The following SPEN variants were observed in gnomAD, a reference collection of about 807,000 sequenced individuals.
SPEN encodes the protein msx2-interacting protein.
SPEN carries 18 observed loss-of-function variants against 269.9 expected under a neutral mutation model. The ratio of observed to expected loss-of-function variants is 0.07; its 90% CI spans 0.05 to 0.10. SPEN has a LOEUF of 0.10. SPEN is among the 10% of genes least tolerant of loss of function. SPEN has a pLI of 1.00. For synonymous variants in SPEN, 1,726 were observed against 1,765.7 expected, an observed-to-expected ratio of 0.98 and a Z score of 0.56; for missense variants, 3,822 against 4,631.2, an observed-to-expected ratio of 0.83 and a Z score of 5.07.
At chr1:15,863,606 C>T (rs1468101286) in intron 1 of SPEN, among the ~76,000 whole-genome samples, 5 of 151,974 alleles carry the variant, frequency 3.3e-5, no homozygotes, top group African/African-American at 4.8e-5. Flanking sequence ...TTTGGGAGAC[C>T]GAGACTAGAG....
intron 3 of SPEN, among the ~76,000 whole-genome samples, chr1:15,882,949 A>G (rs868354679): frequency 6.6e-6 from 1 of 152,106 alleles, no homozygotes; most frequent in African/African-American, 2.4e-5. Flanking sequence ...TGGGGCTAGG[A>G]TGAAGTTTCC....
At chr1:15,887,572 G>C (rs1200390604) in intron 3 of SPEN, among the ~76,000 whole-genome samples, 5 of 151,578 alleles carry the variant, frequency 3.3e-5, no homozygotes, top group African/African-American at 4.8e-5. Flanking sequence ...TGGGATTACA[G>C]GCGTGAGCCA....
intron 3 of SPEN, among the ~76,000 whole-genome samples, chr1:15,907,217 C>T (rs1238990376): frequency 2.0e-5 from 3 of 152,160 alleles, no homozygotes; most frequent in Non-Finnish European, 2.9e-5. Context: ...TGTGTTGGCT[C>T]ATGCCTGTAT....
At chr1:15,859,687 A>T (rs937464845) in intron 1 of SPEN, among the ~76,000 whole-genome samples, 2 of 151,692 alleles carry the variant, frequency 1.3e-5, no homozygotes, top group Non-Finnish European at 1.5e-5. Context: ...AACTTTCATC[A>T]CAGCTTTGTG....
Position 15,934,918 on chromosome 1 carries a change from A to G in SPEN, c.8678A>G (p.Tyr2893Cys). 1 of 1,614,058 alleles carries G rather than the reference A, an allele frequency of 6.2e-7. No individual in the cohort carries two copies. Among genetic ancestry groups the G allele is most frequent in the Non-Finnish European group, 8.5e-7 (1 of 1,180,010 alleles). The stretch of plus-strand genomic sequence containing the variant: ...ACGTTGGTACTGACCGCCCAGACAT[A>G]TAATGCCTCTCCTGTGATTTCGTCT... ...HSTLVLTAQT[Y>C]NASPVISSVK... The change falls in exon 11 of 15, where the codon TAT (tyrosine) becomes TGT (cysteine). Residue 2893 changes from tyrosine (Y) to cysteine (C), a missense_variant. Transcript: ENST00000375759. This position sits in a 1 kb window ranked among gnomAD's most constrained non-coding sequence, Gnocchi z 9.2.
intron 1 of SPEN, among the ~76,000 whole-genome samples, chr1:15,854,107 C>T (rs966472986): frequency 6.6e-6 from 1 of 151,996 alleles, no homozygotes; most frequent in Admixed American, 6.6e-5. Flanking sequence ...GGCCTGCTTG[C>T]TTTTATTTTT....
At chr1:15,864,469 G>A (rs1413808212) in intron 1 of SPEN, among the ~76,000 whole-genome samples, 18 of 103,458 alleles carry the variant, frequency 1.7e-4, no homozygotes, top group Admixed American at 1.4e-3. Context: ...TGTGCCGGCC[G>A]GTTTTTTTTT....
intron 3 of SPEN, among the ~76,000 whole-genome samples, chr1:15,898,303 ATCTC>A (rs2070862307): frequency 6.6e-6 from 1 of 151,624 alleles, no homozygotes; most frequent in East Asian, 1.9e-4. Context: ...ACCACCATCT[ATCTC>A]CAGAACTTTT....
intron 5 of SPEN, among the ~76,000 whole-genome samples, chr1:15,912,730 C>G (rs1392131668): frequency 6.6e-6 from 1 of 152,192 alleles, no homozygotes; most frequent in African/African-American, 2.4e-5. Context: ...CTAAATTTTA[C>G]TAAGCTAAGA....
chr1:15,929,356 C>T lies in SPEN; in HGVS notation c.3116C>T (p.Pro1039Leu). Residue 1039 changes from proline (P) to leucine (L), a missense_variant, in exon 11 of 15, where the codon CCT becomes CTT. By Grantham distance (98) the Pro-to-Leu change is moderately conservative. Transcript: ENST00000375759. This position sits in a 1 kb window ranked among gnomAD's most constrained non-coding sequence, Gnocchi z 5.8. ...AGGGAAGGAGAGGCTGAAAGAAAGC[C>T]TGTGAGGAAAGAAATTCTTAAAAGA... The part of the protein sequence containing the change: ...LLREGEAERK[P>L]VRKEILKRES... 6.2e-6 allele frequency: 10 copies of T among 1,613,086 alleles called. No individual in the cohort carries two copies. Among genetic ancestry groups the T allele is most frequent in the Non-Finnish European group, 8.5e-6 (10 of 1,179,732 alleles).
At position 15,930,957 on chromosome 1, in the gene SPEN, A is replaced by G. The variant is rs1157414937; in HGVS notation, c.4717A>G (p.Thr1573Ala). 1 of 1,614,066 alleles carries G rather than the reference A, an allele frequency of 6.2e-7. No individual in the cohort carries two copies. Among genetic ancestry groups the G allele is most frequent in the Admixed American group, 1.7e-5 (1 of 59,998 alleles). ...GACATCTGAGGGAGCAAACAGCACAACTGATTCCATTCAAGAACCAGTAGT... is the reference window on the plus strand; with the variant it reads ...GACATCTGAGGGAGCAAACAGCACAGCTGATTCCATTCAAGAACCAGTAGT... The part of the protein sequence containing the change: ...KQTSEGANST[T>A]DSIQEPVVLF... Residue 1573 changes from threonine to alanine, a missense_variant, in exon 11 of 15, where the codon ACT becomes GCT. This residue lies in a region of SPEN where 533 missense variants were observed against 618.8 expected (regional missense o/e 0.86). Transcript: ENST00000375759. The surrounding 1 kb of genome is among the most constrained non-coding windows in gnomAD (Gnocchi z 5.3).
chr1:15,882,349 C>G (rs754626850), intron 3 of SPEN, among the ~76,000 whole-genome samples: 4 of 151,996 alleles, frequency 2.6e-5, no homozygotes, highest in Non-Finnish European at 5.9e-5. Context: ...GGATTCCCGC[C>G]CCCCCAATCA....
chr1:15,899,242 C>G (rs1023027439), intron 3 of SPEN, among the ~76,000 whole-genome samples: 1 of 152,140 alleles, frequency 6.6e-6, no homozygotes, highest in Admixed American at 6.6e-5. Context: ...GCGATTTTGG[C>G]CCACTGCAAC....
At chr1:15,938,673 T>C (rs2071304999) in intron 13 of SPEN, 45 bp from the exon 14 acceptor site, 1 of 1,584,160 alleles carries the variant, frequency 6.3e-7, no homozygotes, top group African/African-American at 1.3e-5. Flanking sequence ...GGGCTGCTGT[T>C]TGACTAGGAG....
chr1:15,901,684 G>C (rs2070902579), intron 3 of SPEN, among the ~76,000 whole-genome samples: 1 of 150,888 alleles, frequency 6.6e-6, no homozygotes, highest in Non-Finnish European at 1.5e-5. Context: ...AACAAAAGAG[G>C]CTTAAATTCA....
chr1:15,883,717 T>C (rs185772987), intron 3 of SPEN, among the ~76,000 whole-genome samples: 1 of 140,784 alleles, frequency 7.1e-6, no homozygotes, highest in Non-Finnish European at 1.5e-5. Flanking sequence ...GTCTGTATAT[T>C]TTTTTTTAAT....
rs773709705 is a variant in SPEN at position 15,848,022 on chromosome 1, C to T, written c.-46C>T. 1.1e-5 allele frequency: 14 copies of T among 1,313,372 alleles called. No individual in the cohort carries two copies. The highest frequency in any genetic ancestry group is 3.9e-4 in the Middle Eastern group (2 of 5,104). 81.4% of individuals were successfully genotyped at this position (1,313,372 alleles called of 1,614,324 possible). A position where few individuals can be genotyped will look rare whatever the true frequency, so the allele number is the denominator to read the frequency against. On this transcript the variant is annotated 5_prime_UTR_variant, in exon 1 of 15. Transcript: ENST00000375759. The surrounding 1 kb of genome is among the most constrained non-coding windows in gnomAD (Gnocchi z 5.1). ...CGGCGCTGACGGTCTCGTACGAAGCCGGCGAGGGGGAGCCAGCAGCGGCGG... is the reference window on the plus strand; with the variant it reads ...CGGCGCTGACGGTCTCGTACGAAGCTGGCGAGGGGGAGCCAGCAGCGGCGG...
intron 5 of SPEN, among the ~76,000 whole-genome samples, chr1:15,915,920 C>T (rs1019883123): frequency 2.6e-5 from 4 of 151,734 alleles, no homozygotes; most frequent in South Asian, 2.1e-4. Context: ...TTTTTTGAAA[C>T]GTTTATTTAG....
chr1:15,887,455 G>A (rs1477689851), intron 3 of SPEN, among the ~76,000 whole-genome samples: 1 of 150,940 alleles, frequency 6.6e-6, no homozygotes, highest in South Asian at 2.1e-4. Context: ...CTAATTTTTT[G>A]TATTTTTAGT....
Sources: gnomAD v4.1 joint callset for allele counts (sites outside exome capture counted in the v4.1 genomes callset) on GRCh38, gnomAD v4.1.1 for gene constraint, gnomAD v4.1.1 regional missense constraint, Gnocchi (gnomAD v3.1) non-coding constraint, MANE v1.5 for transcripts, NCBI Gene and HGNC (gene_info 2026-07-23, HGNC 2026-07-21) for gene names.